The following ITGB8 variants were observed in gnomAD, a reference collection of about 807,000 sequenced individuals.
ITGB8 encodes the protein integrin subunit beta 8.
In ITGB8, 30 loss-of-function variants were observed where a neutral mutation model predicts 89.5. That is an observed-to-expected ratio of 0.34 (90% confidence interval 0.25 to 0.45). The LOEUF is 0.45. Ranked by LOEUF, ITGB8 falls within the 20% of genes least tolerant of loss-of-function variation. ITGB8 has a pLI of 1.00. For synonymous variants in ITGB8, 335 were observed against 320.4 expected (o/e 1.05, Z -0.49); for missense variants, 836 against 933.3 (o/e 0.90, Z 1.36).
At chr7:20,387,689 A>G (rs1213050492) in intron 6 of ITGB8, among the ~76,000 whole-genome samples, 2 of 152,316 alleles carry the variant, frequency 1.3e-5, no homozygotes, top group East Asian at 1.9e-4. Flanking sequence ...TAAACATCCT[A>G]CAATGCACAG....
chr7:20,355,098 C>T (rs1785247019), intron 1 of ITGB8, among the ~76,000 whole-genome samples: 1 of 152,196 alleles, frequency 6.6e-6, no homozygotes, highest in Non-Finnish European at 1.5e-5. Context: ...AAAGGAATTG[C>T]CCTCCACCAA....
At chr7:20,387,321 C>T (rs564507837) in intron 6 of ITGB8, among the ~76,000 whole-genome samples, 6 of 152,244 alleles carry the variant, frequency 3.9e-5, no homozygotes, top group South Asian at 2.1e-4. Context: ...TGACATGAAC[C>T]GCTACTCATC....
Position 20,380,686 on chromosome 7 carries a change from T to A in ITGB8, c.656T>A (p.Met219Lys), listed in dbSNP as rs1786343447. 6.2e-7 allele frequency: 1 copy of A among 1,613,452 alleles called. No homozygotes were observed. The highest frequency in any genetic ancestry group is 1.3e-5 in the African/African-American group (1 of 74,926). Residue 219 changes from methionine (M) to lysine (K), a missense_variant, in exon 5 of 14, where the codon ATG becomes AAG. Physicochemically the swap from Met to Lys is moderately conservative, Grantham distance 95 (BLOSUM62 -1). Coordinates refer to ENST00000222573, the MANE Select transcript of ITGB8 (RefSeq NM_002214.3). ...CACAGTGACTACAATTTAGACTGCA[T>A]GCCTCCCCATGGATACATCCATGTG... ...NQCSDYNLDC[M>K]PPHGYIHVLS...
Position 20,404,759 on chromosome 7 carries a change from T to G in ITGB8, c.1819T>G (p.Cys607Gly). Residue 607 changes from cysteine to glycine, a missense_variant, in exon 11 of 14, where the codon TGT (cysteine) becomes GGT (glycine). Physicochemically the swap from Cys to Gly is radical, Grantham distance 159 (BLOSUM62 -3). Coordinates refer to ENST00000222573, the MANE Select transcript of ITGB8 (RefSeq NM_002214.3). Reference sequence around the variant, plus strand: ...CCAAGTGTGCAGTGGAAGAGGCACGTGTGTGTGTGGAAGGTGTGAGTGCAC... The same window carrying G: ...CCAAGTGTGCAGTGGAAGAGGCACGGGTGTGTGTGGAAGGTGTGAGTGCAC... ...KGQVCSGRGT[C>G]VCGRCECTDP... is the part of the protein sequence containing the mutation. 1 of 1,613,770 alleles carries G rather than the reference T, an allele frequency of 6.2e-7. No individual in the cohort carries two copies. Among genetic ancestry groups the G allele is most frequent in the East Asian group, 2.2e-5 (1 of 44,882 alleles).
chr7:20,374,991 C>T (rs540330299), intron 3 of ITGB8, among the ~76,000 whole-genome samples: 9 of 152,026 alleles, frequency 5.9e-5, no homozygotes, highest in African/African-American at 2.2e-4. Flanking sequence ...CAATGAAGGG[C>T]AAGGATGGAT....
At chr7:20,377,779 T>A (rs75778005) in intron 3 of ITGB8, among the ~76,000 whole-genome samples, 1 of 152,184 alleles carries the variant, frequency 6.6e-6, no homozygotes, top group South Asian at 2.1e-4. Flanking sequence ...AAATTAGGAA[T>A]GAGTAGTCCC....
At chr7:20,377,471 G>T (rs1204866215) in intron 3 of ITGB8, 1 of 152,150 alleles carries the variant, frequency 6.6e-6, no homozygotes, top group Non-Finnish European at 1.5e-5. Flanking sequence ...CGCTCTCCCA[G>T]TAGTGTTGAA....
chr7:20,368,273 T>C (rs143355938), intron 3 of ITGB8, among the ~76,000 whole-genome samples: 310 of 152,328 alleles, frequency 2.0e-3, no homozygotes, highest in African/African-American at 7.1e-3. Context: ...GGTAAGATTA[T>C]AGCTCTTCCC....
At chr7:20,370,513 A>G (rs1264449346) in intron 3 of ITGB8, among the ~76,000 whole-genome samples, 2 of 151,210 alleles carry the variant, frequency 1.3e-5, no homozygotes, top group African/African-American at 4.8e-5. Context: ...ATGAGCAGAA[A>G]TGTTTCATGT....
rs145053237 is a variant in ITGB8 at position 20,383,855 on chromosome 7, CAT to C, written c.960+1971_960+1972del. ...AGTATTTAAAGGAGTGACCCTTCCACATGTCACTGCTGTAGTATATTGAGTAA... is the reference window on the plus strand; with the variant it reads ...AGTATTTAAAGGAGTGACCCTTCCACGTCACTGCTGTAGTATATTGAGTAA... On this transcript the variant is annotated intron_variant, in intron 6 of 13. Transcript: ENST00000222573. Among the ~76,000 whole-genome samples the C allele has an allele frequency of 4.6e-3, 700 of 152,272 alleles. 10 individuals are homozygous for C. Among genetic ancestry groups the C allele is most frequent in the African/African-American group, 0.016 (675 of 41,558 alleles).
intron 10 of ITGB8, among the ~76,000 whole-genome samples, chr7:20,402,917 TTC>T (rs1414964410): frequency 5.3e-5 from 8 of 152,190 alleles, no homozygotes; most frequent in African/African-American, 1.7e-4. Flanking sequence ...GTCATCTGAG[TTC>T]TGTGATAATT....
chr7:20,386,945 G>A (rs577108788), intron 6 of ITGB8, among the ~76,000 whole-genome samples: 26 of 152,138 alleles, frequency 1.7e-4, no homozygotes, highest in African/African-American at 4.8e-4. Context: ...ATAGGGTATC[G>A]TGATTACAAC....
chr7:20,393,596 C>T (rs1250584837), intron 7 of ITGB8, among the ~76,000 whole-genome samples: 1 of 152,180 alleles, frequency 6.6e-6, no homozygotes, highest in Non-Finnish European at 1.5e-5. Context: ...GGCCATGTCT[C>T]TGCTTGCCTT....
intron 3 of ITGB8, among the ~76,000 whole-genome samples, chr7:20,368,523 A>G (rs1033754326): frequency 2.6e-5 from 4 of 152,060 alleles, no homozygotes; most frequent in Admixed American, 6.6e-5. Flanking sequence ...AACCATCTTT[A>G]TCTCTCTTTT....
intron 3 of ITGB8, among the ~76,000 whole-genome samples, chr7:20,374,144 A>G (rs1441134073): frequency 1.3e-5 from 2 of 152,162 alleles, no homozygotes; most frequent in African/African-American, 2.4e-5. Flanking sequence ...AAGATTTGGG[A>G]GCCAGATGAT....
chr7:20,397,911 G>A (rs554844008), intron 8 of ITGB8, among the ~76,000 whole-genome samples: 10 of 151,924 alleles, frequency 6.6e-5, no homozygotes, highest in East Asian at 5.8e-4. Flanking sequence ...TTCATAACCC[G>A]CTGCTCACTC....
intron 1 of ITGB8, among the ~76,000 whole-genome samples, chr7:20,332,923 TTC>T (rs1348194963): frequency 2.2e-4 from 21 of 96,540 alleles, no homozygotes; most frequent in South Asian, 1.5e-3. Context: ...TTGTCATACT[TTC>T]TTTTTTTTTT....
chr7:20,367,956 G>T (rs376989395), intron 3 of ITGB8, among the ~76,000 whole-genome samples: 4 of 152,214 alleles, frequency 2.6e-5, no homozygotes, highest in South Asian at 4.1e-4. Context: ...TCAATTGGAT[G>T]CATGTAGTTT....
intron 1 of ITGB8, among the ~76,000 whole-genome samples, chr7:20,341,889 TAAAA>T (rs372857680): frequency 7.1e-6 from 1 of 140,054 alleles, no homozygotes; most frequent in African/African-American, 2.6e-5. Flanking sequence ...ATGTTTGAGT[TAAAA>T]AAAAAAAAAA....
Sources: allele counts gnomAD v4.1 joint callset (sites outside exome capture counted in the v4.1 genomes callset), GRCh38; gene constraint gnomAD v4.1.1; transcripts MANE v1.5; gene names NCBI Gene and HGNC (gene_info 2026-07-23, HGNC 2026-07-21).